TAF1A: variants seen among roughly 807,000 people sequenced by gnomAD.
TAF1A encodes the protein TATA-box binding protein associated factor, RNA polymerase I subunit A.
Under a neutral mutation model 61.6 loss-of-function variants are expected in TAF1A, and 42 were observed. The ratio of observed to expected loss-of-function variants is 0.68; its 90% confidence interval spans 0.53 to 0.88. The LOEUF (loss-of-function observed/expected upper bound fraction) is 0.88, where lower values mean the gene tolerates loss of function less well. TAF1A is among the 40% of genes least tolerant of loss of function. The pLI is 0.00. For synonymous variants in TAF1A, 179 were observed against 177.7 expected, an observed-to-expected ratio of 1.01 and a Z score of -0.06; for missense variants, 424 against 518.7, an observed-to-expected ratio of 0.82 and a Z score of 1.77.
chr1:222,573,102 C>T (rs998345524), intron 5 of TAF1A, among the ~76,000 whole-genome samples: 1 of 152,048 alleles, frequency 6.6e-6, no homozygotes, highest in Non-Finnish European at 1.5e-5. Flanking sequence ...AACCCCATTT[C>T]TACTAAAAAC....
At chr1:222,558,834 C>T (rs1659802388) in intron 10 of TAF1A, 62 bp from the exon 11 acceptor site, 2 of 783,186 alleles carry the variant, frequency 2.6e-6, no homozygotes, top group African/African-American at 3.5e-5. Flanking sequence ...TATATTTCTA[C>T]ATTTTAAAAA....
chr1:222,577,816 CAATT>C (rs1045609231), intron 4 of TAF1A, among the ~76,000 whole-genome samples, 173 bp from the exon 5 acceptor site: 2 of 152,022 alleles, frequency 1.3e-5, no homozygotes, highest in African/African-American at 4.8e-5. Flanking sequence ...ACATAGGAAA[CAATT>C]AACACTATGT....
intron 6 of TAF1A, 80 bp downstream of exon 6, chr1:222,570,455 T>G: frequency 1.5e-6 from 2 of 1,331,176 alleles, no homozygotes; most frequent in Non-Finnish European, 2.0e-6. Flanking sequence ...TTCTTTCTGA[T>G]CAATAAAGAT....
chr1:222,569,221 C>T, intron 7 of TAF1A: 5 of 1,213,484 alleles, frequency 4.1e-6, no homozygotes, highest in Non-Finnish European at 5.2e-6. Context: ...TCTCTGAAAA[C>T]TAAATTTCAA....
intron 3 of TAF1A, among the ~76,000 whole-genome samples, chr1:222,583,115 C>T (rs745483422): frequency 8.5e-5 from 13 of 152,050 alleles, no homozygotes; most frequent in African/African-American, 1.2e-4. Context: ...AACACAGGAG[C>T]TGGAGGTTGC....
chr1:222,578,641 C>G (rs927210683), intron 4 of TAF1A, among the ~76,000 whole-genome samples: 1 of 152,198 alleles, frequency 6.6e-6, no homozygotes, highest in Non-Finnish European at 1.5e-5. Flanking sequence ...CACTTTCATT[C>G]TTTTCCTGAT....
chr1:222,580,818 C>T (rs1286829483), intron 3 of TAF1A, among the ~76,000 whole-genome samples: 2 of 151,708 alleles, frequency 1.3e-5, no homozygotes, highest in Non-Finnish European at 2.9e-5. Flanking sequence ...GCTATTCTCA[C>T]CACCAGTGTA....
chr1:222,567,579 A>G (rs1660167325), intron 7 of TAF1A, among the ~76,000 whole-genome samples: 2 of 152,222 alleles, frequency 1.3e-5, no homozygotes, highest in South Asian at 4.1e-4. Context: ...CAGTTCAGAG[A>G]GAAATTAAAA....
intron 2 of TAF1A, among the ~76,000 whole-genome samples, chr1:222,586,022 T>C (rs972747397): frequency 6.6e-6 from 1 of 152,190 alleles, no homozygotes; most frequent in African/African-American, 2.4e-5. Context: ...CAGAAAAAAC[T>C]AGGGGATACA....
At chr1:222,572,989 C>T (rs1300064253) in intron 5 of TAF1A, among the ~76,000 whole-genome samples, 1 of 152,178 alleles carries the variant, frequency 6.6e-6, no homozygotes, top group Non-Finnish European at 1.5e-5. Flanking sequence ...GAAAAGAAGG[C>T]CAGGCACAGT....
In TAF1A at chr1:222,579,857, C is replaced by A. The variant is rs202170814; in HGVS notation, c.307G>T (p.Gly103Ter). The part of the protein sequence containing the change: ...QAAPEIIWKL[G>*]SEILFYHPKS... ...GGATGATAAAATAGAATTTCACTTCCGAGCTTCCAAATAATCTGTCAAAGC... is the reference window on the plus strand; with the variant it reads ...GGATGATAAAATAGAATTTCACTTCAGAGCTTCCAAATAATCTGTCAAAGC... The change falls in exon 4 of 11, where the codon GGA becomes TGA. Residue 103 changes from glycine (G) to a stop codon, truncating the protein, a stop_gained. Coordinates refer to ENST00000352967, the MANE Select transcript of TAF1A (RefSeq NM_005681.4). LOFTEE classifies it high-confidence loss of function. 6.2e-7 allele frequency: 1 copy of A among 1,604,250 alleles called. No individual in the cohort carries two copies. The highest frequency in any genetic ancestry group is 2.2e-5 in the East Asian group (1 of 44,656).
intron 9 of TAF1A, among the ~76,000 whole-genome samples, chr1:222,562,262 A>G (rs1401902461): frequency 6.6e-6 from 1 of 152,220 alleles, no homozygotes; most frequent in Non-Finnish European, 1.5e-5. Flanking sequence ...ATGCAATACA[A>G]TATTAACTAC....
At chr1:222,557,582 C>T (rs1659747595), downstream of TAF1A, among the ~76,000 whole-genome samples, 3 of 151,840 alleles carry the variant, frequency 2.0e-5, no homozygotes, top group Admixed American at 2.0e-4. Context: ...TCCCAAATAG[C>T]TAGGACTACA....
Position 222,579,995 on chromosome 1 carries a change from G to A in TAF1A, c.292-123C>T, listed in dbSNP as rs972573906. The A allele has an allele frequency of 1.9e-5, 22 of 1,140,886 alleles. No individual in the cohort carries two copies. In the South Asian group the frequency reaches 2.4e-4, roughly 12 times the overall value. 70.7% of individuals were successfully genotyped at this position (1,140,886 alleles called of 1,614,324 possible). A position where few individuals can be genotyped will look rare whatever the true frequency, so the allele number is the denominator to read the frequency against. On this transcript the variant is annotated intron_variant, in intron 3 of 10. Transcript: ENST00000352967. ...GATTCCTTTTCCAGAGACCACTACC[G>A]TCAACATTTTACTCTACTTTGCCAT...
At chr1:222,563,674 C>T (rs1385599730) in intron 8 of TAF1A, among the ~76,000 whole-genome samples, 1 of 152,200 alleles carries the variant, frequency 6.6e-6, no homozygotes, top group East Asian at 1.9e-4. Flanking sequence ...AGCTGATTTT[C>T]TTCTATGAAG....
At chr1:222,588,071 C>T (rs899303176) in intron 2 of TAF1A, among the ~76,000 whole-genome samples, 1 of 151,832 alleles carries the variant, frequency 6.6e-6, no homozygotes, top group Non-Finnish European at 1.5e-5. Flanking sequence ...ATCTATTACA[C>T]GATCAATTCT....
intron 5 of TAF1A, among the ~76,000 whole-genome samples, chr1:222,573,750 T>C (rs1212813110): frequency 6.6e-6 from 1 of 152,166 alleles, no homozygotes; most frequent in African/African-American, 2.4e-5. Flanking sequence ...CTCTTAGGTA[T>C]ATACCCAAGA....
intron 5 of TAF1A, among the ~76,000 whole-genome samples, chr1:222,574,930 GACAGTA>G (rs1339491944): frequency 6.6e-6 from 1 of 152,154 alleles, no homozygotes; most frequent in Non-Finnish European, 1.5e-5. Flanking sequence ...AGGTTAGGGT[GACAGTA>G]TTTTGTGTTT....
intron 5 of TAF1A, among the ~76,000 whole-genome samples, chr1:222,575,510 G>A (rs1298992799): frequency 1.3e-5 from 2 of 152,124 alleles, no homozygotes; most frequent in African/African-American, 2.4e-5. Context: ...GACTGAGACA[G>A]CAAGACTCTG....
Sources: allele counts gnomAD v4.1 joint callset (sites outside exome capture counted in the v4.1 genomes callset), GRCh38; gene constraint gnomAD v4.1.1; transcripts MANE v1.5; gene names NCBI Gene and HGNC (gene_info 2026-07-23, HGNC 2026-07-21).